TBL1XR1: variants seen among roughly 807,000 people sequenced by gnomAD.
TBL1XR1 encodes the protein TBL1X/Y related 1.
A neutral mutation model predicts 66.9 loss-of-function variants in TBL1XR1; 5 were observed. That is an observed-to-expected ratio of 0.07 (90% CI 0.04 to 0.16). TBL1XR1 has a LOEUF of 0.16. Ranked by LOEUF, TBL1XR1 falls within the 10% of genes least tolerant of loss-of-function variation. The probability of loss-of-function intolerance (pLI) is 1.00; values close to 1 mark genes in which losing one functional copy is unlikely to be tolerated. For missense variants in TBL1XR1, 238 were observed against 623.2 expected (o/e 0.38, Z 6.58); for synonymous variants, 210 against 206.0 (o/e 1.02, Z -0.17).
intron 4 of TBL1XR1, 53 bp from the exon 5 acceptor site, chr3:177,051,779 AT>A: frequency 1.4e-6 from 2 of 1,409,030 alleles, no homozygotes; most frequent in Non-Finnish European, 1.9e-6. Context: ...ATTTAAAGTT[AT>A]TTGTATTTAT....
chr3:177,066,295 A>G (rs1284681759), intron 2 of TBL1XR1, among the ~76,000 whole-genome samples: 1 of 152,136 alleles, frequency 6.6e-6, no homozygotes, highest in Non-Finnish European at 1.5e-5. Context: ...AATGGGAGGC[A>G]ATGACAATTT....
In TBL1XR1 at chr3:177,074,181, T is replaced by C. The variant is rs557855887; in HGVS notation, c.-45-9159A>G. On this transcript the variant is annotated intron_variant, in intron 2 of 15. Coordinates refer to ENST00000457928, the MANE Select transcript of TBL1XR1 (RefSeq NM_024665.7). ...CTGGTACAGTTTCCATACCCATCCC[T>C]GTGTACCTTGAGGATACGTAAGAAA... 2.6e-5 allele frequency among the ~76,000 whole-genome samples: 4 copies of C among 152,294 alleles called. No homozygotes were observed. In the South Asian group the frequency reaches 6.2e-4, roughly 24 times the overall value.
At position 177,022,831 on chromosome 3, in the gene TBL1XR1, A is replaced by T. The variant is rs1712556205; in HGVS notation, c.*2667T>A. 6.6e-6 allele frequency: 1 copy of T among 152,492 alleles called. No individual in the cohort carries two copies. Among genetic ancestry groups the T allele is most frequent in the Non-Finnish European group, 1.5e-5 (1 of 67,940 alleles). 9.4% of individuals were successfully genotyped at this position (152,492 alleles called of 1,614,324 possible). ...CATCGTGGCACATCAGCAGGCAATG[A>T]TGATGTTGAGAACAGCAGCAAAAAT... On this transcript the variant is annotated 3_prime_UTR_variant, in exon 16 of 16. Coordinates refer to ENST00000457928, the MANE Select transcript of TBL1XR1 (RefSeq NM_024665.7).
chr3:177,178,281 A>G (rs1431386989), intron 1 of TBL1XR1, among the ~76,000 whole-genome samples: 3 of 152,216 alleles, frequency 2.0e-5, no homozygotes, highest in East Asian at 3.8e-4. Context: ...CCCTTAAAGG[A>G]AGGGGAAAGA....
At chr3:177,178,792 C>T (rs545780393) in intron 1 of TBL1XR1, among the ~76,000 whole-genome samples, 31 of 151,950 alleles carry the variant, frequency 2.0e-4, no homozygotes, top group Non-Finnish European at 3.8e-4. Flanking sequence ...TATTCTTCAC[C>T]CATGGAACTG....
At chr3:177,054,635 A>G (rs571760413) in intron 3 of TBL1XR1, among the ~76,000 whole-genome samples, 1 of 152,194 alleles carries the variant, frequency 6.6e-6, no homozygotes. Context: ...CTACTTAGGA[A>G]AACTAAAATA....
intron 1 of TBL1XR1, among the ~76,000 whole-genome samples, chr3:177,138,041 A>T (rs1022399227): frequency 2.6e-5 from 4 of 152,192 alleles, no homozygotes; most frequent in Non-Finnish European, 1.5e-5. Flanking sequence ...ATTCTAAAGA[A>T]TTTTGATCAG....
intron 2 of TBL1XR1, among the ~76,000 whole-genome samples, chr3:177,093,734 A>G (rs574032829): frequency 7.2e-5 from 11 of 152,328 alleles, no homozygotes; most frequent in African/African-American, 2.2e-4. Flanking sequence ...AGAACACCCT[A>G]TTCAACAAAT....
chr3:177,155,366 T>G (rs780990103), intron 1 of TBL1XR1, among the ~76,000 whole-genome samples: 14 of 152,128 alleles, frequency 9.2e-5, no homozygotes, highest in Non-Finnish European at 1.8e-4. Flanking sequence ...AGCCACAGAC[T>G]CCACATTAAT....
chr3:177,104,775 T>C (rs1724664294), intron 1 of TBL1XR1, among the ~76,000 whole-genome samples: 1 of 152,242 alleles, frequency 6.6e-6, no homozygotes, highest in South Asian at 2.1e-4. Flanking sequence ...ACTACCTTAG[T>C]TGAATTAGTT....
intron 1 of TBL1XR1, among the ~76,000 whole-genome samples, chr3:177,183,604 G>A (rs555493187): frequency 5.9e-4 from 90 of 151,658 alleles, no homozygotes; most frequent in African/African-American, 1.8e-3. Context: ...TCCGCCTCCC[G>A]GGTTCAAGTG....
intron 14 of TBL1XR1, among the ~76,000 whole-genome samples, chr3:177,030,044 A>G (rs995998596): frequency 3.9e-5 from 6 of 152,040 alleles, no homozygotes; most frequent in African/African-American, 1.5e-4. Context: ...CAAGCACGTA[A>G]ATATACCGTA....
intron 1 of TBL1XR1, among the ~76,000 whole-genome samples, chr3:177,102,961 T>C (rs1038187557): frequency 2.6e-5 from 4 of 152,234 alleles, no homozygotes; most frequent in African/African-American, 9.6e-5. Context: ...GATTTAATCA[T>C]CTTGCTGTTC....
rs545845117 is a variant in TBL1XR1 at position 177,134,383 on chromosome 3, A to G, written c.-121-35842T>C. On this transcript the variant is annotated intron_variant, in intron 1 of 15. Coordinates refer to ENST00000457928, the MANE Select transcript of TBL1XR1 (RefSeq NM_024665.7). ...TGGTCTATTGGGAGCAGAGAGAAAG[A>G]GAGAAAACAGAATTATGGCAGAACA... 1.3e-5 allele frequency among the ~76,000 whole-genome samples: 2 copies of G among 152,308 alleles called. 1 individual carries two copies. Among genetic ancestry groups the G allele is most frequent in the East Asian group, 3.9e-4 (2 of 5,184 alleles).
intron 1 of TBL1XR1, among the ~76,000 whole-genome samples, chr3:177,167,460 C>T (rs1012578299): frequency 6.6e-6 from 1 of 152,168 alleles, no homozygotes; most frequent in Non-Finnish European, 1.5e-5. Context: ...CAAGAGTGAA[C>T]CCTAATGTAA....
chr3:177,113,296 T>C (rs1030590679), intron 1 of TBL1XR1, among the ~76,000 whole-genome samples: 3 of 152,164 alleles, frequency 2.0e-5, no homozygotes, highest in South Asian at 2.1e-4. Context: ...GAACACTTCC[T>C]GACAGCAATC....
intron 10 of TBL1XR1, among the ~76,000 whole-genome samples, chr3:177,042,439 AAAAC>A (rs1715716290): frequency 6.6e-6 from 1 of 152,152 alleles, no homozygotes; most frequent in African/African-American, 2.4e-5. Context: ...TCATAAAAGA[AAAAC>A]AAAACCAAAC....
chr3:177,135,360 T>C (rs1156978679), intron 1 of TBL1XR1, among the ~76,000 whole-genome samples: 5 of 31,728 alleles, frequency 1.6e-4, no homozygotes, highest in East Asian at 2.4e-3. Context: ...TATATATATA[T>C]ATATATATAT....
chr3:177,200,129 C>T (rs533646150), upstream of TBL1XR1, among the ~76,000 whole-genome samples: 3 of 152,176 alleles, frequency 2.0e-5, no homozygotes, highest in South Asian at 2.1e-4. Context: ...TGCACCACCA[C>T]GCCTGGCTAA....
Sources: gnomAD v4.1 joint callset for allele counts (sites outside exome capture counted in the v4.1 genomes callset) on GRCh38, gnomAD v4.1.1 for gene constraint, MANE v1.5 for transcripts, NCBI Gene and HGNC (gene_info 2026-07-23, HGNC 2026-07-21) for gene names.